DPP10: variants seen among roughly 807,000 people sequenced by gnomAD.
DPP10 encodes the protein dipeptidyl peptidase like 10.
A neutral mutation model predicts 120.9 loss-of-function variants in DPP10; 33 were observed. The ratio of observed to expected loss-of-function variants is 0.27; its 90% CI spans 0.21 to 0.37. The LOEUF (loss-of-function observed/expected upper bound fraction) is 0.37, where lower values mean the gene tolerates loss of function less well. DPP10 is among the 10% of genes least tolerant of loss of function. The pLI, the probability that DPP10 is intolerant of heterozygous loss-of-function variation, is 1.00. For missense variants in DPP10, 816 were observed against 942.8 expected (o/e 0.87, Z 1.76); for synonymous variants, 337 against 326.1 (o/e 1.03, Z -0.36).
chr2:114,534,698 G>T (rs1179814273), intron 1 of DPP10, among the ~76,000 whole-genome samples: 3 of 139,840 alleles, frequency 2.1e-5, no homozygotes, highest in Non-Finnish European at 3.2e-5. Flanking sequence ...CTTCTGTTTT[G>T]CTTTTTACTT....
At chr2:115,695,271 A>G (rs547526832) in intron 7 of DPP10, among the ~76,000 whole-genome samples, 62 of 152,352 alleles carry the variant, frequency 4.1e-4, no homozygotes, top group African/African-American at 1.2e-3. Context: ...TCCAACAATT[A>G]CAAAAGAACC....
At chr2:115,505,453 T>C (rs1274304851) in intron 4 of DPP10, among the ~76,000 whole-genome samples, 1 of 152,040 alleles carries the variant, frequency 6.6e-6, no homozygotes, top group African/African-American at 2.4e-5. Flanking sequence ...TTTAGTCTCT[T>C]TGGAGCTGGA....
intron 3 of DPP10, among the ~76,000 whole-genome samples, chr2:115,356,153 G>T (rs957801469): frequency 6.6e-6 from 1 of 151,954 alleles, no homozygotes; most frequent in Non-Finnish European, 1.5e-5. Flanking sequence ...GGGCAATATG[G>T]CCATTTTCAC....
intron 7 of DPP10, among the ~76,000 whole-genome samples, chr2:115,704,341 C>T (rs201310574): frequency 2.6e-5 from 4 of 151,672 alleles, no homozygotes; most frequent in Admixed American, 1.3e-4. Flanking sequence ...GTGAATAGTT[C>T]GCTTTTTGGG....
chr2:114,768,166 A>T (rs1680911200), intron 1 of DPP10, among the ~76,000 whole-genome samples: 1 of 152,030 alleles, frequency 6.6e-6, no homozygotes, highest in Non-Finnish European at 1.5e-5. Flanking sequence ...GAAAAAAAAA[A>T]ATCAATCCAG....
At chr2:114,955,875 A>G (rs1352050494) in intron 1 of DPP10, among the ~76,000 whole-genome samples, 1 of 152,198 alleles carries the variant, frequency 6.6e-6, no homozygotes, top group African/African-American at 2.4e-5. Flanking sequence ...CAGAAAAAGC[A>G]TTTGACAACA....
chr2:114,481,233 A>G (rs1681016994), intron 1 of DPP10, among the ~76,000 whole-genome samples: 1 of 152,160 alleles, frequency 6.6e-6, no homozygotes, highest in African/African-American at 2.4e-5. Context: ...CTCAAAGGAA[A>G]AAGAAAACTT....
chr2:115,592,546 A>C (rs560522941), intron 5 of DPP10, among the ~76,000 whole-genome samples: 9 of 150,936 alleles, frequency 6.0e-5, no homozygotes, highest in African/African-American at 2.2e-4. Flanking sequence ...CATCCTGGCC[A>C]ACATGGTGAA....
intron 1 of DPP10, among the ~76,000 whole-genome samples, chr2:114,998,290 A>G (rs1701225781): frequency 6.6e-6 from 1 of 152,116 alleles, no homozygotes. Context: ...GGCATTATTG[A>G]TGTTTTATTT....
intron 1 of DPP10, among the ~76,000 whole-genome samples, chr2:115,247,866 T>G (rs1176538766): frequency 6.6e-6 from 1 of 152,178 alleles, no homozygotes; most frequent in African/African-American, 2.4e-5. Flanking sequence ...GTTTTTCCCT[T>G]TGGTCCTATT....
chr2:115,820,114 T>C (rs555595908), intron 21 of DPP10, among the ~76,000 whole-genome samples: 1 of 152,354 alleles, frequency 6.6e-6, no homozygotes, highest in Admixed American at 6.5e-5. Context: ...TATCTATTTG[T>C]CAGGATAAGT....
At chr2:115,714,759 G>A (rs560437549) in intron 7 of DPP10, among the ~76,000 whole-genome samples, 12 of 152,166 alleles carry the variant, frequency 7.9e-5, no homozygotes, top group Admixed American at 2.0e-4. Context: ...GATGGGCGCC[G>A]TGGCTCAAGC....
chr2:115,068,236 T>C (rs1331202640), intron 1 of DPP10, among the ~76,000 whole-genome samples: 2 of 152,146 alleles, frequency 1.3e-5, no homozygotes, highest in Non-Finnish European at 2.9e-5. Context: ...TGATTATCTT[T>C]TGTCTTTTTG....
chr2:114,519,801 G>C (rs868000797), intron 1 of DPP10, among the ~76,000 whole-genome samples: 1 of 152,176 alleles, frequency 6.6e-6, no homozygotes, highest in Non-Finnish European at 1.5e-5. Flanking sequence ...ATTGGCTTTA[G>C]ATGGCATATT....
chr2:114,456,081 A>G (rs537310154), intron 1 of DPP10, among the ~76,000 whole-genome samples: 78 of 152,230 alleles, frequency 5.1e-4, no homozygotes, highest in African/African-American at 1.7e-3. Flanking sequence ...GGGTCTTTTC[A>G]AAGTCTCACG....
intron 1 of DPP10, among the ~76,000 whole-genome samples, chr2:114,626,549 C>T (rs1694529997): frequency 6.6e-6 from 1 of 151,936 alleles, no homozygotes; most frequent in Non-Finnish European, 1.5e-5. Flanking sequence ...GGGGTGGTCA[C>T]TAAATTCATG....
chr2:114,766,538 A>C (rs1368355262), intron 1 of DPP10, among the ~76,000 whole-genome samples: 3 of 152,148 alleles, frequency 2.0e-5, no homozygotes, highest in African/African-American at 7.2e-5. Context: ...AATATCCTCC[A>C]GTGGGTGAAT....
chr2:115,397,389 C>G (rs190139791), intron 3 of DPP10, among the ~76,000 whole-genome samples: 71 of 152,230 alleles, frequency 4.7e-4, no homozygotes, highest in African/African-American at 1.6e-3. Context: ...CATTTTAATT[C>G]AAGCACTCAT....
At chr2:115,331,357 G>A (rs1196078326) in intron 2 of DPP10, among the ~76,000 whole-genome samples, 2 of 152,186 alleles carry the variant, frequency 1.3e-5, no homozygotes, top group Non-Finnish European at 2.9e-5. Context: ...ATACAATGAT[G>A]TCATCTGCAA....
Sources: gnomAD v4.1 joint callset for allele counts (sites outside exome capture counted in the v4.1 genomes callset) on GRCh38, gnomAD v4.1.1 for gene constraint, MANE v1.5 for transcripts, NCBI Gene and HGNC (gene_info 2026-07-23, HGNC 2026-07-21) for gene names.